Variants in HGSNAT observed in about 807,000 individuals in gnomAD.
HGSNAT encodes transmembrane protein 76.
Under a neutral mutation model 85.2 loss-of-function variants are expected in HGSNAT, and 59 were observed. The observed-to-expected ratio is 0.69, with a 90% CI of 0.56 to 0.86. The LOEUF is 0.86. Ranked by LOEUF, HGSNAT falls within the 40% of genes least tolerant of loss-of-function variation. HGSNAT has a pLI of 0.00. For synonymous variants in HGSNAT, 321 were observed against 304.5 expected (o/e 1.05, Z -0.56); for missense variants, 756 against 777.1 (o/e 0.97, Z 0.32).
chr8:43,198,432 C>T (rs1237209638), intron 17 of HGSNAT, among the ~76,000 whole-genome samples: 14 of 151,834 alleles, frequency 9.2e-5, no homozygotes, highest in African/African-American at 2.2e-4. Flanking sequence ...GGACTACAGG[C>T]GCCCGCCACC....
At chr8:43,193,657 A>G in intron 13 of HGSNAT, 100 bp from the exon 14 acceptor site, 1 of 712,514 alleles carries the variant, frequency 1.4e-6, no homozygotes, top group Middle Eastern at 2.5e-4. Flanking sequence ...GAAAACCATG[A>G]CATACTGGAG....
rs562946149 is a variant in HGSNAT at position 43,164,998 on chromosome 8, T to C, written c.563+3491T>C. On this transcript the variant is annotated intron_variant, in intron 5 of 17. Coordinates refer to ENST00000379644, the MANE Select transcript of HGSNAT (RefSeq NM_152419.3). ...CCCAGGCACAAGCAGTCCTCCCATC[T>C]CAGCCTCCCAAGTAGCTGGGACTAG... Among the ~76,000 whole-genome samples the C allele has an allele frequency of 3.3e-4, 50 of 150,078 alleles. 1 individual carries two copies. The South Asian group carries it at 0.01, about 31-fold the overall frequency.
chr8:43,196,506 C>T (rs1003331707), intron 14 of HGSNAT: 2 of 1,290,096 alleles, frequency 1.6e-6, no homozygotes, highest in Non-Finnish European at 1.0e-6. Flanking sequence ...CTCTTTGGGC[C>T]CTGCCTGGAA....
At chr8:43,145,311 A>G (rs1044093047) in intron 1 of HGSNAT, among the ~76,000 whole-genome samples, 2 of 152,218 alleles carry the variant, frequency 1.3e-5, no homozygotes, top group Non-Finnish European at 2.9e-5. Context: ...GCCAAAAAAA[A>G]GCATTCTTTA....
chr8:43,177,607 A>G (rs1803859652), intron 9 of HGSNAT, among the ~76,000 whole-genome samples: 1 of 151,980 alleles, frequency 6.6e-6, no homozygotes, highest in African/African-American at 2.4e-5. Flanking sequence ...GTATGGTCAA[A>G]GAAAAGAAAG....
rs773373085 is a variant in HGSNAT, at chr8:43,196,415, G to T, written c.1465-533G>T. On this transcript the variant is annotated intron_variant, in intron 14 of 17. Coordinates refer to ENST00000379644, the MANE Select transcript of HGSNAT (RefSeq NM_152419.3). Reference sequence around the variant, plus strand: ...CCTGCCTCTGGTTCCACCCTGTCCCGGTCCCTCTTCCTAGTGCTGCCCAGA... The same window carrying T: ...CCTGCCTCTGGTTCCACCCTGTCCCTGTCCCTCTTCCTAGTGCTGCCCAGA... The T allele has an allele frequency of 4.7e-6, 6 of 1,278,078 alleles. No homozygotes were observed. In the East Asian group the frequency reaches 3.3e-4, roughly 71 times the overall value. 79.2% of individuals were successfully genotyped at this position (1,278,078 alleles called of 1,614,324 possible). A position where few individuals can be genotyped will look rare whatever the true frequency, so the allele number is the denominator to read the frequency against.
chr8:43,198,057 C>CG, intron 17 of HGSNAT, 105 bp downstream of exon 17: 1 of 760,028 alleles, frequency 1.3e-6, no homozygotes, highest in African/African-American at 1.8e-5. Context: ...ACTGCCCTAG[C>CG]GGCAGGTGTC....
At chr8:43,189,753 G>A (rs936860058) in intron 11 of HGSNAT, among the ~76,000 whole-genome samples, 2 of 152,122 alleles carry the variant, frequency 1.3e-5, no homozygotes, top group Admixed American at 6.5e-5. Flanking sequence ...CCTCCTCCAC[G>A]CCCAGCTAAT....
At chr8:43,151,275 G>A (rs1358543807) in intron 2 of HGSNAT, among the ~76,000 whole-genome samples, 1 of 152,218 alleles carries the variant, frequency 6.6e-6, no homozygotes, top group African/African-American at 2.4e-5. Context: ...CAGTCCAAGT[G>A]TCTGGTTTGA....
intron 8 of HGSNAT, 22 bp from the exon 9 acceptor site, chr8:43,173,691 A>G (rs1344313564): frequency 6.2e-7 from 1 of 1,612,050 alleles, no homozygotes; most frequent in East Asian, 2.2e-5. Context: ...CCTTTTGCTT[A>G]TGCTTTGTAC....
At chr8:43,149,605 C>G (rs1391003585) in intron 2 of HGSNAT, among the ~76,000 whole-genome samples, 1 of 151,396 alleles carries the variant, frequency 6.6e-6, no homozygotes, top group African/African-American at 2.4e-5. Context: ...GAGGCTGAGG[C>G]AGGAGAATGG....
chr8:43,184,762 G>C (rs1053562696), intron 11 of HGSNAT, among the ~76,000 whole-genome samples: 18 of 152,154 alleles, frequency 1.2e-4, no homozygotes, highest in Middle Eastern at 3.4e-3. Context: ...GGGTTTTTAT[G>C]GTTTTAGGTC....
At chr8:43,163,316 T>C (rs1177098554) in intron 5 of HGSNAT, among the ~76,000 whole-genome samples, 1 of 152,172 alleles carries the variant, frequency 6.6e-6, no homozygotes, top group Non-Finnish European at 1.5e-5. Flanking sequence ...AGAATGCTCT[T>C]CTTGACAAAG....
At chr8:43,173,562 G>T in intron 8 of HGSNAT, 151 bp from the exon 9 acceptor site, 1 of 786,966 alleles carries the variant, frequency 1.3e-6, no homozygotes, top group Non-Finnish European at 2.1e-6. Flanking sequence ...TGCTCGCCTC[G>T]GCCCCCACAA....
At position 43,172,368 on chromosome 8, in the gene HGSNAT, A is replaced by C. The variant is rs765032039; in HGVS notation, c.802A>C (p.Lys268Gln). Residue 268 changes from lysine to glutamine, a missense_variant, in exon 8 of 18, where the codon AAA becomes CAA. Physicochemically the swap from Lys to Gln is moderately conservative, Grantham distance 53. Transcript: ENST00000379644. ...TGGAGGAGGAAAATATTGGTACTTC[A>C]AACATGCAAGTTGGAATGGTAAGAT... ...NYGGGKYWYF[K>Q]HASWNGLTVA... 1 of 1,608,132 alleles carries C rather than the reference A, an allele frequency of 6.2e-7. No individual in the cohort carries two copies. The highest frequency in any genetic ancestry group is 1.1e-5 in the South Asian group (1 of 90,922).
intron 5 of HGSNAT, among the ~76,000 whole-genome samples, chr8:43,162,820 T>C (rs1803309073): frequency 6.6e-6 from 1 of 152,044 alleles, no homozygotes; most frequent in African/African-American, 2.4e-5. Flanking sequence ...TCCATCTGTC[T>C]CTGACTCCCA....
At chr8:43,178,357 G>T in intron 10 of HGSNAT, 123 bp downstream of exon 10, 1 of 673,902 alleles carries the variant, frequency 1.5e-6, no homozygotes, top group Non-Finnish European at 2.4e-6. Context: ...CATTAGGAAA[G>T]TATATACAAT....
chr8:43,193,589 C>T (rs754318389), intron 13 of HGSNAT, among the ~76,000 whole-genome samples, 168 bp from the exon 14 acceptor site: 2 of 152,146 alleles, frequency 1.3e-5, no homozygotes, highest in Non-Finnish European at 2.9e-5. Context: ...CTTTCTTAGC[C>T]GGAAGCATTC....
At chr8:43,192,224 G>A (rs1319934407) in intron 12 of HGSNAT, 80 bp from the exon 13 acceptor site, 16 of 1,491,640 alleles carry the variant, frequency 1.1e-5, no homozygotes, top group Admixed American at 1.0e-4. Flanking sequence ...CACCGTGCCC[G>A]GCCTGAGGTT....
Sources: allele counts gnomAD v4.1 joint callset (sites outside exome capture counted in the v4.1 genomes callset), GRCh38; gene constraint gnomAD v4.1.1; transcripts MANE v1.5; gene names NCBI Gene and HGNC (gene_info 2026-07-23, HGNC 2026-07-21).